The following ZC3H7A variants were observed in gnomAD, a reference collection of about 807,000 sequenced individuals.
ZC3H7A encodes the protein zinc finger CCCH-type containing 7A, also known as zinc finger CCCH domain-containing protein 7A.
A neutral mutation model predicts 125.5 loss-of-function variants in ZC3H7A; 44 were observed. The ratio of observed to expected loss-of-function variants is 0.35; its 90% CI spans 0.28 to 0.45. ZC3H7A has a LOEUF of 0.45. ZC3H7A is among the 20% of genes least tolerant of loss of function. The probability of loss-of-function intolerance (pLI) is 1.00; values close to 1 mark genes in which losing one functional copy is unlikely to be tolerated. For synonymous variants in ZC3H7A, 399 were observed against 391.2 expected, an observed-to-expected ratio of 1.02 and a Z score of -0.23; for missense variants, 977 against 1,170.7, an observed-to-expected ratio of 0.83 and a Z score of 2.41.
chr16:11,764,730 C>A (rs1402185535), intron 15 of ZC3H7A, among the ~76,000 whole-genome samples: 1 of 151,728 alleles, frequency 6.6e-6, no homozygotes, highest in Non-Finnish European at 1.5e-5. Context: ...TCAAAAAAAA[C>A]AAACAAAAAA....
intron 21 of ZC3H7A, among the ~76,000 whole-genome samples, chr16:11,754,662 C>T (rs1017570007): frequency 6.6e-6 from 1 of 152,026 alleles, no homozygotes; most frequent in African/African-American, 2.4e-5. Context: ...GAGGCTGAGG[C>T]GGGCAGATCA....
At position 11,782,363 on chromosome 16, in the gene ZC3H7A, A is replaced by G. The variant is rs1175556661; in HGVS notation, c.-9T>C. ...TCGGACACATTGGACATGTTATCCC[A>G]CACATCCACTTTCTAAATGAGCAAT... On this transcript the variant is annotated 5_prime_UTR_variant, in exon 2 of 23. Coordinates refer to ENST00000355758, the MANE Select transcript of ZC3H7A (RefSeq NM_014153.4). 1.9e-6 allele frequency: 3 copies of G among 1,613,972 alleles called. No homozygotes were observed. Among genetic ancestry groups the G allele is most frequent in the Non-Finnish European group, 2.5e-6 (3 of 1,180,012 alleles).
rs1176104129 is a variant in ZC3H7A, at chr16:11,768,322, T to C, written c.1353A>G (p.Val451=). The stretch of plus-strand genomic sequence containing the variant: ...TGTTTGTTTGGTCCTGACCTGATTT[T>C]ACAAAACAGATCTGGCAAGCTTGTC... ...ELRQACQICF[V]KSGPKLMDFT... Residue 451 remains valine, a synonymous_variant, in exon 12 of 23, where the codon GTA becomes GTG. Coordinates refer to ENST00000355758, the MANE Select transcript of ZC3H7A (RefSeq NM_014153.4). 2 of 1,538,944 alleles carry C rather than the reference T, an allele frequency of 1.3e-6. No individual in the cohort carries two copies. The highest frequency in any genetic ancestry group is 1.8e-6 in the Non-Finnish European group (2 of 1,134,178).
intron 1 of ZC3H7A, among the ~76,000 whole-genome samples, chr16:11,794,142 T>C (rs1396133765): frequency 6.6e-6 from 1 of 152,188 alleles, no homozygotes; most frequent in Non-Finnish European, 1.5e-5. Context: ...ACAAATGATT[T>C]GCCTGGGGAC....
intron 9 of ZC3H7A, among the ~76,000 whole-genome samples, chr16:11,773,664 C>T (rs1042551813): frequency 2.0e-5 from 3 of 151,712 alleles, no homozygotes; most frequent in Non-Finnish European, 4.4e-5. Context: ...GGGTGGATCA[C>T]GAGGTCAGGA....
chr16:11,787,118 G>T (rs1010180310), intron 1 of ZC3H7A, among the ~76,000 whole-genome samples: 7 of 151,300 alleles, frequency 4.6e-5, no homozygotes, highest in Non-Finnish European at 8.8e-5. Flanking sequence ...AAACCAGCCT[G>T]GGCAAGATGG....
chr16:11,770,933 G>A lies in ZC3H7A; in HGVS notation c.958C>T (p.Pro320Ser), dbSNP rs371372684. The change falls in exon 10 of 23, where the codon CCC becomes TCC. Residue 320 changes from proline (P) to serine (S), a missense_variant. Pro to Ser is a moderately conservative substitution (Grantham distance 74). Around this residue, in one of 3 missense-constraint regions of ZC3H7A, gnomAD observed 342 missense variants for 311.3 expected, o/e 1.10. Transcript: ENST00000355758. ...LQTASVSPSM[P>S]FSASLLGTLP... ...GTTCCTAACAGCGATGCCGAAAAGG[G>A]CATGCTAGGAGAGACACTGGCTGTC... The A allele has an allele frequency of 1.0e-4, 166 of 1,613,740 alleles. No individual in the cohort carries two copies. The highest frequency in any genetic ancestry group is 1.3e-4 in the Non-Finnish European group (158 of 1,179,870).
intron 1 of ZC3H7A, among the ~76,000 whole-genome samples, chr16:11,786,579 A>G (rs1357503125): frequency 1.3e-5 from 2 of 152,222 alleles, no homozygotes; most frequent in African/African-American, 4.8e-5. Context: ...ACCACAAGTA[A>G]GTGATTGAAA....
intron 19 of ZC3H7A, among the ~76,000 whole-genome samples, chr16:11,760,689 C>G (rs943364078): frequency 1.3e-5 from 2 of 152,140 alleles, no homozygotes; most frequent in Admixed American, 1.3e-4. Flanking sequence ...TCCAAGTGTC[C>G]CTGTCTGCTA....
intron 21 of ZC3H7A, chr16:11,753,547 TCCTCCCACTTCAG>T (rs1361819464): frequency 6.6e-6 from 1 of 152,362 alleles, no homozygotes; most frequent in Non-Finnish European, 1.5e-5. Context: ...GCTCAAGTGG[TCCTCCCACTTCAG>T]CCTCCTGAGT....
intron 1 of ZC3H7A, among the ~76,000 whole-genome samples, chr16:11,791,088 AACACAC>A (rs34972921): frequency 0.018 from 2,470 of 136,078 alleles, 22 homozygotes; most frequent in Middle Eastern, 0.046. Flanking sequence ...AAATTTTTAA[AACACAC>A]ACACACACAC....
intron 16 of ZC3H7A, 96 bp downstream of exon 16, chr16:11,763,382 T>C: frequency 1.6e-6 from 2 of 1,287,384 alleles, no homozygotes; most frequent in Non-Finnish European, 2.1e-6. Context: ...GTAGTGGGAT[T>C]ACAGGCATGA....
At position 11,768,897 on chromosome 16, in the gene ZC3H7A, C is replaced by G. The variant is rs531324540; in HGVS notation, c.1173+134G>C. The G allele has an allele frequency of 8.2e-6, 7 of 857,254 alleles. No individual in the cohort carries two copies. In the African/African-American group the frequency reaches 1.2e-4, roughly 15 times the overall value. 53.1% of individuals were successfully genotyped at this position (857,254 alleles called of 1,614,324 possible). A position where few individuals can be genotyped will look rare whatever the true frequency, so the allele number is the denominator to read the frequency against. ...CGTTATTACTAGATGTTCCAGAAGT[C>G]TTACTTTAACACAATTTCCTGCAGC... is the stretch of plus-strand genomic sequence containing the variant. On this transcript the variant is annotated intron_variant, in intron 11 of 22. Coordinates refer to ENST00000355758, the MANE Select transcript of ZC3H7A (RefSeq NM_014153.4).
chr16:11,783,033 T>C (rs2053199286), intron 1 of ZC3H7A: 1 of 152,452 alleles, frequency 6.6e-6, no homozygotes, highest in African/African-American at 2.4e-5. Flanking sequence ...GCTTCAGGTT[T>C]TGTTTTTCCC....
chr16:11,778,926 C>A (rs1162607338), intron 4 of ZC3H7A, among the ~76,000 whole-genome samples: 1 of 152,046 alleles, frequency 6.6e-6, no homozygotes, highest in African/African-American at 2.4e-5. Flanking sequence ...ATTGGCCAGG[C>A]TGGTCTCAAA....
At chr16:11,774,886 C>G in intron 8 of ZC3H7A, 94 bp downstream of exon 8, 1 of 1,375,094 alleles carries the variant, frequency 7.3e-7, no homozygotes, top group Non-Finnish European at 1.0e-6. Flanking sequence ...AATATAACCA[C>G]ACAGCGATAT....
In ZC3H7A at chr16:11,769,022, G is replaced by A. The variant is rs2052920237; in HGVS notation, c.1173+9C>T. The stretch of plus-strand genomic sequence containing the variant: ...GCGATGTATTTACAAAAGAGGAAGT[G>A]GCACTTACAAGTAAAAGGGAAGAAT... On this transcript the variant is annotated intron_variant, in intron 11 of 22. Coordinates refer to ENST00000355758, the MANE Select transcript of ZC3H7A (RefSeq NM_014153.4). 2 of 1,601,356 alleles carry A rather than the reference G, an allele frequency of 1.2e-6. No individual in the cohort carries two copies. The highest frequency in any genetic ancestry group is 1.7e-6 in the Non-Finnish European group (2 of 1,175,336).
intron 9 of ZC3H7A, among the ~76,000 whole-genome samples, chr16:11,771,408 C>A (rs923013994): frequency 1.1e-4 from 16 of 149,566 alleles, no homozygotes; most frequent in African/African-American, 3.5e-4. Context: ...AAAAAAAAAA[C>A]AAAGTTTAAA....
intron 13 of ZC3H7A, among the ~76,000 whole-genome samples, chr16:11,766,713 T>C (rs2052864843): frequency 6.6e-6 from 1 of 152,086 alleles, no homozygotes; most frequent in African/African-American, 2.4e-5. Flanking sequence ...TGAAACCCTG[T>C]CTCTACTAAA....
Sources: gnomAD v4.1 joint callset for allele counts (sites outside exome capture counted in the v4.1 genomes callset) on GRCh38, gnomAD v4.1.1 for gene constraint, gnomAD v4.1.1 regional missense constraint, MANE v1.5 for transcripts, NCBI Gene and HGNC (gene_info 2026-07-23, HGNC 2026-07-21) for gene names.